Variants in SCAMP1 observed in about 807,000 individuals in gnomAD.
SCAMP1 encodes secretory carrier-associated membrane protein 1.
SCAMP1 carries 15 observed loss-of-function variants against 41.8 expected under a neutral mutation model. The observed-to-expected ratio is 0.36, with a 90% CI of 0.24 to 0.55. SCAMP1 has a LOEUF of 0.55. SCAMP1 is among the 20% of genes least tolerant of loss of function. SCAMP1 has a pLI of 0.86. For missense variants in SCAMP1, 341 were observed against 412.6 expected (o/e 0.83, Z 1.50); for synonymous variants, 135 against 136.8 (o/e 0.99, Z 0.09).
intron 4 of SCAMP1, among the ~76,000 whole-genome samples, chr5:78,417,363 G>C (rs1251780318): frequency 6.6e-6 from 1 of 152,142 alleles, no homozygotes; most frequent in Admixed American, 6.5e-5. Flanking sequence ...ATTTATCCTG[G>C]GTCATTTTCT....
At chr5:78,448,615 T>C (rs756333421) in intron 6 of SCAMP1, among the ~76,000 whole-genome samples, 5 of 152,238 alleles carry the variant, frequency 3.3e-5, no homozygotes, top group African/African-American at 7.2e-5. Flanking sequence ...ACTGTACAGC[T>C]ATTACAATAG....
At chr5:78,376,754 C>G (rs1751074715) in intron 1 of SCAMP1, among the ~76,000 whole-genome samples, 1 of 152,060 alleles carries the variant, frequency 6.6e-6, no homozygotes, top group South Asian at 2.1e-4. Context: ...GAGGGAAGAC[C>G]AGTAAGGAGT....
Position 78,439,604 on chromosome 5 carries a change from A to C in SCAMP1, c.633-10329A>C, listed in dbSNP as rs183390246. 5.4e-3 allele frequency among the ~76,000 whole-genome samples: 829 copies of C among 152,212 alleles called. 10 individuals are homozygous for C. Among genetic ancestry groups the C allele is most frequent in the African/African-American group, 0.019 (785 of 41,530 alleles). On this transcript the variant is annotated intron_variant, in intron 6 of 8. Transcript: ENST00000621999. ...GATCTGCTGTTAGTCTGATGGGCTT[A>C]CCTTTGTGAGTAACCTGACCTTTCT...
intron 2 of SCAMP1, among the ~76,000 whole-genome samples, chr5:78,414,483 A>G (rs1481670001): frequency 6.6e-6 from 1 of 152,006 alleles, no homozygotes; most frequent in Non-Finnish European, 1.5e-5. Context: ...GGGTTTCACC[A>G]TATTGGCCAG....
chr5:78,417,170 G>A (rs1266029829), intron 4 of SCAMP1, among the ~76,000 whole-genome samples: 1 of 152,182 alleles, frequency 6.6e-6, no homozygotes, highest in Non-Finnish European at 1.5e-5. Flanking sequence ...GCCTGCCAAA[G>A]CACTTCAAAG....
At chr5:78,409,152 A>T (rs1561264285) in intron 2 of SCAMP1, among the ~76,000 whole-genome samples, 1 of 152,120 alleles carries the variant, frequency 6.6e-6, no homozygotes, top group Non-Finnish European at 1.5e-5. Context: ...GTGCAGATGG[A>T]TCACTAGTAA....
intron 6 of SCAMP1, among the ~76,000 whole-genome samples, chr5:78,433,709 C>CT (rs1752677322): frequency 6.6e-6 from 1 of 152,122 alleles, no homozygotes; most frequent in African/African-American, 2.4e-5. Context: ...TTCGCACACT[C>CT]TTCCCCCAGG....
chr5:78,398,541 ATTTTTTTTT>A (rs57209214), intron 2 of SCAMP1, among the ~76,000 whole-genome samples: 12 of 44,280 alleles, frequency 2.7e-4, no homozygotes, highest in Non-Finnish European at 3.8e-4. Context: ...AAGGTTCACT[ATTTTTTTTT>A]TTTTTTTTTT....
intron 1 of SCAMP1, among the ~76,000 whole-genome samples, chr5:78,362,829 C>T (rs575017200): frequency 1.3e-5 from 2 of 151,302 alleles, no homozygotes; most frequent in Non-Finnish European, 2.9e-5. Flanking sequence ...ATTTCTGATA[C>T]TCTACTTAAA....
chr5:78,450,521 C>G (rs1354883182), intron 7 of SCAMP1, among the ~76,000 whole-genome samples: 1 of 152,124 alleles, frequency 6.6e-6, no homozygotes, highest in Non-Finnish European at 1.5e-5. Context: ...TTTAAACAAT[C>G]GAATCATTCT....
chr5:78,415,592 C>T lies in SCAMP1; in HGVS notation c.208C>T (p.His70Tyr). Reference protein sequence around the residue: ...QPAIMKPTEEHPAYTQIAKEH... With the variant: ...QPAIMKPTEEYPAYTQIAKEH... ...AGCAATAATGAAACCAACAGAGGAACATCCAGCTTATACACAGATTGCAAA... is the reference window on the plus strand; with the variant it reads ...AGCAATAATGAAACCAACAGAGGAATATCCAGCTTATACACAGATTGCAAA... The change falls in exon 3 of 9, where the codon CAT becomes TAT. Residue 70 changes from histidine (H) to tyrosine (Y), a missense_variant. Transcript: ENST00000621999. 1 of 1,603,164 alleles carries T rather than the reference C, an allele frequency of 6.2e-7. No individual in the cohort carries two copies. The highest frequency in any genetic ancestry group is 8.5e-7 in the Non-Finnish European group (1 of 1,174,018).
chr5:78,440,818 G>A (rs13166219), intron 6 of SCAMP1, among the ~76,000 whole-genome samples: 123,511 of 152,212 alleles, frequency 0.81, 50,694 homozygotes, highest in East Asian at 0.92. Context: ...TGGAGTCTAC[G>A]GAGGCAGGCA....
At chr5:78,361,876 A>G (rs976522958) in intron 1 of SCAMP1, among the ~76,000 whole-genome samples, 17 of 152,224 alleles carry the variant, frequency 1.1e-4, no homozygotes, top group Non-Finnish European at 2.2e-4. Flanking sequence ...GAATCCTGGA[A>G]GAGGAAAACT....
chr5:78,391,962 G>C (rs1411505717), intron 2 of SCAMP1, among the ~76,000 whole-genome samples: 3 of 152,074 alleles, frequency 2.0e-5, no homozygotes, highest in Non-Finnish European at 2.9e-5. Context: ...CAGCAGTACA[G>C]TCCAGCTTCG....
intron 2 of SCAMP1, among the ~76,000 whole-genome samples, chr5:78,410,183 T>C (rs1752039995): frequency 6.6e-6 from 1 of 151,832 alleles, no homozygotes; most frequent in African/African-American, 2.4e-5. Context: ...GTTTGTTACA[T>C]AGGCAAACGT....
In SCAMP1 at chr5:78,457,169, CCTT is replaced by C. The variant is rs1351645956; in HGVS notation, c.735-2070_735-2068del. Among the ~76,000 whole-genome samples the C allele has an allele frequency of 6.1e-3, 928 of 151,774 alleles. 6 individuals are homozygous for C. The highest frequency in any genetic ancestry group is 0.021 in the African/African-American group (883 of 41,248). On this transcript the variant is annotated intron_variant, in intron 7 of 8. Coordinates refer to ENST00000621999, the MANE Select transcript of SCAMP1 (RefSeq NM_004866.6). ...CTCAGAGTAATTTGATCGTCTGAAG[CCTT>C]CTTCTCTCAACTCGTCAAAGTCATT...
intron 2 of SCAMP1, among the ~76,000 whole-genome samples, chr5:78,391,308 GGGGCGGCTGGCC>G (rs1751491908): frequency 7.0e-6 from 1 of 143,796 alleles, no homozygotes; most frequent in Non-Finnish European, 1.5e-5. Flanking sequence ...CCTCCCGGAC[GGGGCGGCTGGCC>G]GGGCAGAGGG....
At chr5:78,387,834 A>T (rs1396978332) in intron 1 of SCAMP1, among the ~76,000 whole-genome samples, 1 of 152,236 alleles carries the variant, frequency 6.6e-6, no homozygotes, top group African/African-American at 2.4e-5. Context: ...TCAGCCATGG[A>T]TACCAACACC....
chr5:78,443,935 C>T lies in SCAMP1; in HGVS notation c.633-5998C>T, dbSNP rs143592263. 4.9e-4 allele frequency among the ~76,000 whole-genome samples: 75 copies of T among 152,150 alleles called. 1 individual carries two copies. The highest frequency in any genetic ancestry group is 1.6e-3 in the African/African-American group (65 of 41,524). ...GCTCCTAAAGTTCTAGGATTACAAGCGTCAACCATTGTGCCCAGCTCTTAA... is the reference window on the plus strand; with the variant it reads ...GCTCCTAAAGTTCTAGGATTACAAGTGTCAACCATTGTGCCCAGCTCTTAA... On this transcript the variant is annotated intron_variant, in intron 6 of 8. Transcript: ENST00000621999.
Sources: allele counts gnomAD v4.1 joint callset (sites outside exome capture counted in the v4.1 genomes callset), GRCh38; gene constraint gnomAD v4.1.1; transcripts MANE v1.5; gene names NCBI Gene and HGNC (gene_info 2026-07-23, HGNC 2026-07-21).